Variants in CPS1 observed in about 807,000 individuals in gnomAD.
CPS1 encodes carbamoyl-phosphate synthase [ammonia], mitochondrial.
In CPS1, 109 loss-of-function variants were observed where a neutral mutation model predicts 174.6. The observed-to-expected ratio is 0.62, with a 90% CI of 0.53 to 0.73. The LOEUF is 0.73. Among genes scored for constraint, CPS1 ranks in the 30% least tolerant of loss-of-function variants. The probability of loss-of-function intolerance (pLI) is 0.00; values close to 1 mark genes in which losing one functional copy is unlikely to be tolerated. For synonymous variants in CPS1, 637 were observed against 632.0 expected (o/e 1.01, Z -0.12); for missense variants, 1,689 against 1,821.9 (o/e 0.93, Z 1.33).
At chr2:210,518,070 T>C (rs868477430) in intron 1 of CPS1, among the ~76,000 whole-genome samples, 3 of 152,036 alleles carry the variant, frequency 2.0e-5, no homozygotes, top group South Asian at 2.1e-4. Flanking sequence ...TTAAGAACCA[T>C]ATATGGTTCT....
chr2:210,653,984 G>A (rs760192682), intron 28 of CPS1, 41 bp from the exon 29 acceptor site: 18 of 1,497,834 alleles, frequency 1.2e-5, no homozygotes, highest in Admixed American at 3.3e-5. Context: ...TATACATAGC[G>A]TTAGCTAAAT....
At chr2:210,569,699 T>G (rs959009276) in intron 1 of CPS1, among the ~76,000 whole-genome samples, 1 of 152,028 alleles carries the variant, frequency 6.6e-6, no homozygotes, top group African/African-American at 2.4e-5. Flanking sequence ...ATGGTCTTAT[T>G]GGCATATACA....
intron 13 of CPS1, among the ~76,000 whole-genome samples, chr2:210,596,871 C>G (rs1698498527): frequency 6.6e-6 from 1 of 151,630 alleles, no homozygotes; most frequent in African/African-American, 2.4e-5. Flanking sequence ...AACTAAAGAA[C>G]AGGAATTATT....
intron 1 of CPS1, among the ~76,000 whole-genome samples, chr2:210,492,725 T>A (rs1694903887): frequency 6.6e-6 from 1 of 152,184 alleles, no homozygotes; most frequent in African/African-American, 2.4e-5. Flanking sequence ...TAAAACTTTT[T>A]TGGTGTCTTG....
At chr2:210,524,602 T>C (rs896407829) in intron 1 of CPS1, among the ~76,000 whole-genome samples, 18 of 152,004 alleles carry the variant, frequency 1.2e-4, no homozygotes, top group African/African-American at 4.3e-4. Flanking sequence ...CCTTATTTGA[T>C]TGGAGTCTTA....
chr2:210,610,053 A>C (rs188775493), intron 19 of CPS1, among the ~76,000 whole-genome samples: 1 of 152,076 alleles, frequency 6.6e-6, no homozygotes, highest in East Asian at 1.9e-4. Flanking sequence ...TTTTTTCTCC[A>C]TTATAGTTGT....
intron 15 of CPS1, 29 bp downstream of exon 15, chr2:210,600,741 G>A (rs749147698): frequency 5.0e-6 from 8 of 1,610,008 alleles, no homozygotes; most frequent in Middle Eastern, 1.7e-4. Context: ...GGAAAAACAA[G>A]GGCATTATTT....
intron 2 of CPS1, 129 bp downstream of exon 2, chr2:210,573,536 GCCTTGT>G (rs1697588111): frequency 1.3e-6 from 1 of 761,730 alleles, no homozygotes; most frequent in Non-Finnish European, 2.3e-6. Flanking sequence ...GTTGCACCAT[GCCTTGT>G]GCATAGCCTA....
At chr2:210,663,243 A>G (rs773829508) in intron 33 of CPS1, 46 bp downstream of exon 33, 7 of 1,540,010 alleles carry the variant, frequency 4.5e-6, no homozygotes, top group Non-Finnish European at 6.3e-6. Flanking sequence ...ATCTACTTTG[A>G]AATCTATGGT....
chr2:210,663,982 T>C (rs570726134), intron 33 of CPS1, among the ~76,000 whole-genome samples: 2 of 152,246 alleles, frequency 1.3e-5, no homozygotes, highest in East Asian at 3.9e-4. Context: ...AATACTTAAT[T>C]GCAACAAAGT....
At chr2:210,477,818 G>T in intron 1 of CPS1, 1 of 1,599,684 alleles carries the variant, frequency 6.3e-7, no homozygotes, top group Non-Finnish European at 8.6e-7. Context: ...GTGTTTGAAG[G>T]AGCAACTCAC....
At chr2:210,589,711 G>C (rs1698221432) in intron 7 of CPS1, among the ~76,000 whole-genome samples, 1 of 151,858 alleles carries the variant, frequency 6.6e-6, no homozygotes, top group South Asian at 2.1e-4. Flanking sequence ...CCAGCCTAGA[G>C]TGCAATGGTG....
At chr2:210,511,667 C>G (rs964696313) in intron 1 of CPS1, among the ~76,000 whole-genome samples, 1 of 152,004 alleles carries the variant, frequency 6.6e-6, no homozygotes, top group African/African-American at 2.4e-5. Flanking sequence ...CGTGATACTC[C>G]CGGTCAAACC....
intron 1 of CPS1, among the ~76,000 whole-genome samples, chr2:210,496,861 T>A (rs553860097): frequency 4.6e-5 from 7 of 152,318 alleles, no homozygotes; most frequent in African/African-American, 1.7e-4. Flanking sequence ...CTTCTTATAC[T>A]TTTTCTTCGC....
intron 22 of CPS1, 73 bp from the exon 23 acceptor site, chr2:210,639,077 G>A (rs958617571): frequency 8.3e-7 from 1 of 1,198,138 alleles, no homozygotes; most frequent in African/African-American, 1.5e-5. Context: ...TGTATATAAA[G>A]CACAAAAAAT....
intron 28 of CPS1, among the ~76,000 whole-genome samples, chr2:210,653,040 G>T (rs916283881): frequency 6.6e-6 from 1 of 152,204 alleles, no homozygotes; most frequent in African/African-American, 2.4e-5. Context: ...GTGGTCAGAA[G>T]GAGTTTGTGT....
chr2:210,494,475 A>C (rs1694942073), intron 1 of CPS1, among the ~76,000 whole-genome samples: 1 of 152,192 alleles, frequency 6.6e-6, no homozygotes, highest in Non-Finnish European at 1.5e-5. Flanking sequence ...AACAGCAATC[A>C]AAGTTGTAAA....
At chr2:210,676,065 A>G (rs554393481) in intron 36 of CPS1, among the ~76,000 whole-genome samples, 1 of 152,370 alleles carries the variant, frequency 6.6e-6, no homozygotes, top group East Asian at 1.9e-4. Context: ...TAGTAAGGAT[A>G]CTTTCCTTGA....
chr2:210,564,271 AC>A (rs1026697474), intron 1 of CPS1, among the ~76,000 whole-genome samples: 13 of 152,118 alleles, frequency 8.5e-5, no homozygotes, highest in South Asian at 2.1e-4. Flanking sequence ...CTTATATGTA[AC>A]CCCCCCTCAC....
Sources: allele counts gnomAD v4.1 joint callset (sites outside exome capture counted in the v4.1 genomes callset), GRCh38; gene constraint gnomAD v4.1.1; transcripts MANE v1.5; gene names NCBI Gene and HGNC (gene_info 2026-07-23, HGNC 2026-07-21).